Variants in FMN1 observed in about 807,000 individuals in gnomAD.
The protein encoded by FMN1 is formin-1.
In FMN1, 110 loss-of-function variants were observed where a neutral mutation model predicts 132.4. That is an observed-to-expected ratio of 0.83 (90% CI 0.71 to 0.97). FMN1 has a LOEUF of 0.97. Among genes scored for constraint, FMN1 ranks in the 50% least tolerant of loss-of-function variants. FMN1 has a pLI of 0.00. For synonymous variants in FMN1, 722 were observed against 651.7 expected (o/e 1.11, Z -1.64); for missense variants, 1,792 against 1,705.3 (o/e 1.05, Z -0.90).
At chr15:32,870,584 C>T (rs1301778523) in intron 16 of FMN1, among the ~76,000 whole-genome samples, 1 of 152,186 alleles carries the variant, frequency 6.6e-6, no homozygotes, top group Non-Finnish European at 1.5e-5. Flanking sequence ...TTGTCTAAAG[C>T]ACCATTCAAA....
chr15:33,101,886 G>C (rs765221283), intron 4 of FMN1, among the ~76,000 whole-genome samples: 1 of 152,086 alleles, frequency 6.6e-6, no homozygotes, highest in East Asian at 1.9e-4. Flanking sequence ...TAGGTATCCC[G>C]GCTTCCAGCT....
intron 6 of FMN1, among the ~76,000 whole-genome samples, chr15:33,017,088 C>T (rs1449629814): frequency 1.3e-5 from 2 of 151,948 alleles, no homozygotes; most frequent in Non-Finnish European, 2.9e-5. Flanking sequence ...GGGGTTCACC[C>T]TGCCTCTTCA....
chr15:32,815,443 G>A (rs191313513), intron 17 of FMN1, among the ~76,000 whole-genome samples: 177 of 152,128 alleles, frequency 1.2e-3, no homozygotes, highest in Middle Eastern at 0.01. Context: ...GATTATCTAT[G>A]ATATTTAGGG....
intron 19 of FMN1, among the ~76,000 whole-genome samples, chr15:32,786,114 C>T (rs1455988713): frequency 1.3e-5 from 2 of 152,096 alleles, no homozygotes; most frequent in African/African-American, 2.4e-5. Context: ...ACTGAAGGTC[C>T]AAGCTGCTGC....
chr15:33,023,478 G>A (rs2035519331), intron 6 of FMN1, among the ~76,000 whole-genome samples: 1 of 152,096 alleles, frequency 6.6e-6, no homozygotes, highest in African/African-American at 2.4e-5. Flanking sequence ...AAACAATAAT[G>A]ATAGTAGCAA....
chr15:33,102,626 A>T (rs1032815110), intron 4 of FMN1, among the ~76,000 whole-genome samples: 3 of 152,136 alleles, frequency 2.0e-5, no homozygotes, highest in Non-Finnish European at 4.4e-5. Flanking sequence ...TATGGAGACC[A>T]CAATGGCAGG....
chr15:32,909,358 T>C lies in FMN1; in HGVS notation c.3289-780A>G, dbSNP rs575928860. Among the ~76,000 whole-genome samples, 6 of 152,352 alleles carry C rather than the reference T, an allele frequency of 3.9e-5. No individual in the cohort carries two copies. The South Asian group carries it at 1.2e-3, about 32-fold the overall frequency. ...GCTGACCTCCAAGTATTCAAGTGCA[T>C]AATTAGCTCCCAATGGCCTGGTATT... On this transcript the variant is annotated intron_variant, in intron 11 of 20. Coordinates refer to ENST00000616417, the MANE Select transcript of FMN1 (RefSeq NM_001277313.2).
chr15:32,894,485 AT>A (rs1407852893), intron 15 of FMN1, among the ~76,000 whole-genome samples: 1 of 148,050 alleles, frequency 6.8e-6, no homozygotes, highest in South Asian at 2.1e-4. Flanking sequence ...CTCCATCTCA[AT>A]TAAAAAAAAA....
chr15:32,923,020 T>TCTA (rs1465214819), intron 10 of FMN1, among the ~76,000 whole-genome samples: 2 of 152,224 alleles, frequency 1.3e-5, no homozygotes, highest in Admixed American at 1.3e-4. Flanking sequence ...AATACTCTCC[T>TCTA]CTAAGTGAAT....
intron 6 of FMN1, chr15:33,013,076 C>T (rs2034823829): frequency 4.9e-6 from 2 of 408,416 alleles, no homozygotes; most frequent in Non-Finnish European, 9.6e-6. Flanking sequence ...TAATTACTGC[C>T]AGGAAACAAA....
chr15:32,875,389 GAATT>G (rs994977706), intron 16 of FMN1, among the ~76,000 whole-genome samples: 3 of 152,158 alleles, frequency 2.0e-5, no homozygotes, highest in African/African-American at 7.2e-5. Flanking sequence ...CAACTGTAAG[GAATT>G]AATAAAAGCT....
chr15:32,964,165 G>C lies in FMN1; in HGVS notation c.3080C>G (p.Thr1027Ser), dbSNP rs181700507. The C allele has an allele frequency of 9.9e-6, 16 of 1,613,052 alleles. No individual in the cohort carries two copies. The highest frequency in any genetic ancestry group is 1.2e-5 in the Non-Finnish European group (14 of 1,179,390). Reference sequence around the variant, plus strand: ...TGACAGAGGTTTTTTCTTCTGTTGAGTTGTGTCTTTGGAGAATAAATACTC... The same window carrying C: ...TGACAGAGGTTTTTTCTTCTGTTGACTTGTGTCTTTGGAGAATAAATACTC... Reference protein sequence around the residue: ...EFEYLFSKDTTQQKKKPLSET... With the variant: ...EFEYLFSKDTSQQKKKPLSET... The change falls in exon 9 of 21, where the codon ACT becomes AGT. Residue 1027 changes from threonine to serine, a missense_variant. By Grantham distance (58) the Thr-to-Ser change is moderately conservative (BLOSUM62 1). This residue lies in a region of FMN1 where 1,150 missense variants were observed against 1,043.1 expected (regional missense o/e 1.10). Transcript: ENST00000616417.
chr15:32,806,411 T>C (rs1341741268), intron 17 of FMN1, among the ~76,000 whole-genome samples: 1 of 152,224 alleles, frequency 6.6e-6, no homozygotes, highest in East Asian at 1.9e-4. Flanking sequence ...AATGAGATAA[T>C]ACATGCAGAG....
chr15:33,081,923 C>A (rs1012142067), intron 5 of FMN1, among the ~76,000 whole-genome samples: 6 of 152,004 alleles, frequency 3.9e-5, no homozygotes, highest in Non-Finnish European at 8.8e-5. Context: ...CTTCCCCAGA[C>A]AATTAAGCTA....
intron 5 of FMN1, among the ~76,000 whole-genome samples, chr15:33,083,476 A>G (rs1255391028): frequency 1.3e-5 from 2 of 152,166 alleles, no homozygotes; most frequent in Non-Finnish European, 2.9e-5. Context: ...CCAGGAGGGT[A>G]GAGAGGCTAA....
chr15:32,929,165 G>A (rs909111999), intron 9 of FMN1, among the ~76,000 whole-genome samples: 1 of 152,206 alleles, frequency 6.6e-6, no homozygotes, highest in East Asian at 1.9e-4. Flanking sequence ...GGGGCTGGGG[G>A]CAGCTAAGCA....
chr15:32,948,786 AAAG>A lies in FMN1; in HGVS notation c.3138+15318_3138+15320del, dbSNP rs1484368174. Among the ~76,000 whole-genome samples the A allele has an allele frequency of 4.0e-5, 6 of 151,842 alleles. No individual in the cohort carries two copies. In the East Asian group the frequency reaches 7.7e-4, roughly 20 times the overall value. On this transcript the variant is annotated intron_variant, in intron 9 of 20. Coordinates refer to ENST00000616417, the MANE Select transcript of FMN1 (RefSeq NM_001277313.2). ...TTTTTGAATGTTATTCTTTTTTTTC[AAAG>A]AAGAAACTTTTGTCTTTAATTGATG...
intron 9 of FMN1, among the ~76,000 whole-genome samples, chr15:32,931,193 A>C (rs780172439): frequency 3.7e-4 from 56 of 152,260 alleles, no homozygotes; most frequent in Non-Finnish European, 7.3e-4. Flanking sequence ...GGTTCCATAC[A>C]AATTTTAGGA....
intron 6 of FMN1, among the ~76,000 whole-genome samples, chr15:33,030,853 G>A (rs2035903559): frequency 6.6e-6 from 1 of 151,946 alleles, no homozygotes; most frequent in Admixed American, 6.6e-5. Flanking sequence ...TTTAAGTTCT[G>A]GAACACATGT....
Sources: gnomAD v4.1 joint callset for allele counts (sites outside exome capture counted in the v4.1 genomes callset) on GRCh38, gnomAD v4.1.1 for gene constraint, gnomAD v4.1.1 regional missense constraint, MANE v1.5 for transcripts, NCBI Gene and HGNC (gene_info 2026-07-23, HGNC 2026-07-21) for gene names.